The following SBK1 variants were observed in gnomAD, a reference collection of about 807,000 sequenced individuals.
The protein encoded by SBK1 is SH3 domain binding kinase 1.
A neutral mutation model predicts 24.4 loss-of-function variants in SBK1; 11 were observed. That is an observed-to-expected ratio of 0.45 (90% CI 0.28 to 0.75). The LOEUF (loss-of-function observed/expected upper bound fraction) is 0.75, where lower values mean the gene tolerates loss of function less well. Among genes scored for constraint, SBK1 ranks in the 30% least tolerant of loss-of-function variants. The pLI is 0.12. For missense variants in SBK1, 467 were observed against 620.5 expected (o/e 0.75, Z 2.63); for synonymous variants, 308 against 284.4 (o/e 1.08, Z -0.83).
At chr16:28,293,928 A>AC (rs1024049600) in intron 1 of SBK1, among the ~76,000 whole-genome samples, 1 of 151,992 alleles carries the variant, frequency 6.6e-6, no homozygotes. Context: ...GGGAGTAAGT[A>AC]CCCCCCAAAG....
At chr16:28,266,576 C>A (rs970383655) in intron 1 of SBK1, among the ~76,000 whole-genome samples, 5 of 151,992 alleles carry the variant, frequency 3.3e-5, no homozygotes, top group Non-Finnish European at 7.4e-5. Flanking sequence ...CTAGGAAGCT[C>A]TTCCTGGAAG....
At chr16:28,315,141 G>A (rs572623236) in intron 1 of SBK1, among the ~76,000 whole-genome samples, 6 of 151,868 alleles carry the variant, frequency 4.0e-5, no homozygotes, top group Non-Finnish European at 7.4e-5. Context: ...GTGTGCCTGC[G>A]CCTGGGAAAG....
At position 28,320,286 on chromosome 16, in the gene SBK1, T is replaced by C; in HGVS notation, c.640T>C (p.Tyr214His). The C allele has an allele frequency of 6.3e-7, 1 of 1,590,500 alleles. No individual in the cohort carries two copies. The highest frequency in any genetic ancestry group is 1.3e-5 in the African/African-American group (1 of 74,462). ...RVKRVSGTIP[Y>H]TAPEVCQAGR... ...CAAGCGCGTGAGCGGCACCATCCCT[T>C]ACACGGCGCCTGAGGTGTGCCAGGC... The change falls in exon 4 of 4, where the codon TAC becomes CAC. Residue 214 changes from tyrosine to histidine, a missense_variant. By Grantham distance (83) the Tyr-to-His change is moderately conservative. Coordinates refer to ENST00000341901, the MANE Select transcript of SBK1 (RefSeq NM_001024401.3). This position sits in a 1 kb window ranked among gnomAD's most constrained non-coding sequence, Gnocchi z 8.5.
Position 28,317,799 on chromosome 16 carries a change from T to C in SBK1, c.226+182T>C, listed in dbSNP as rs1424303368. Among the ~76,000 whole-genome samples the C allele has an allele frequency of 1.3e-5, 2 of 151,892 alleles. No individual in the cohort carries two copies. The highest frequency in any genetic ancestry group is 4.8e-5 in the African/African-American group (2 of 41,354). On this transcript the variant is annotated intron_variant, in intron 2 of 3. Coordinates refer to ENST00000341901, the MANE Select transcript of SBK1 (RefSeq NM_001024401.3). The surrounding 1 kb of genome is among the most constrained non-coding windows in gnomAD (Gnocchi z 4.2). ...TGAGGCAGCCCAGGGGGAAAGAGAC[T>C]GGGCAGATGGGGCAAGGGAGGAATC...
rs368666181 is a variant in SBK1 at position 28,301,541 on chromosome 16, G to A, written c.-8+8241G>A. ...GTGTCTGCAGCTTGATCTCAGGAAA[G>A]TCTGGACTCTTCCTCCCAGGCTCCT... On this transcript the variant is annotated intron_variant, in intron 1 of 3. Coordinates refer to ENST00000341901, the MANE Select transcript of SBK1 (RefSeq NM_001024401.3). Among the ~76,000 whole-genome samples, 81 of 152,336 alleles carry A rather than the reference G, an allele frequency of 5.3e-4. No individual in the cohort carries two copies. The South Asian group carries it at 0.017, about 31-fold the overall frequency.
In SBK1 at chr16:28,319,964, G is replaced by C. The variant is rs899375910; in HGVS notation, c.430-112G>C. On this transcript the variant is annotated intron_variant, in intron 3 of 3. Transcript: ENST00000341901. The surrounding 1 kb of genome is among the most constrained non-coding windows in gnomAD (Gnocchi z 4.0). ...GTCTGCGCGGTCGCCCCAGTTACTG[G>C]GGACAGGGTGGGAGGCGAAAACCGC... is the stretch of plus-strand genomic sequence containing the variant. 2 of 1,096,680 alleles carry C rather than the reference G, an allele frequency of 1.8e-6. No individual in the cohort carries two copies. Among genetic ancestry groups the C allele is most frequent in the South Asian group, 3.6e-5 (2 of 55,624 alleles). 67.9% of individuals were successfully genotyped at this position (1,096,680 alleles called of 1,614,324 possible).
chr16:28,279,282 C>T (rs2141566338), intron 1 of SBK1, among the ~76,000 whole-genome samples: 1 of 151,592 alleles, frequency 6.6e-6, no homozygotes, highest in South Asian at 2.1e-4. Context: ...GCCTGTGGTC[C>T]CAGCACTTTG....
intron 1 of SBK1, among the ~76,000 whole-genome samples, chr16:28,272,528 T>C (rs1189217125): frequency 6.6e-6 from 1 of 152,196 alleles, no homozygotes; most frequent in East Asian, 1.9e-4. Context: ...AATTATGAGA[T>C]ATGTGTCCTT....
intron 1 of SBK1, among the ~76,000 whole-genome samples, chr16:28,306,220 G>A (rs865866427): frequency 3.9e-5 from 6 of 152,158 alleles, no homozygotes; most frequent in African/African-American, 9.7e-5. Context: ...CAGCTGTGCC[G>A]CTGCTGTGGG....
At chr16:28,307,671 C>A (rs34256587) in intron 1 of SBK1, among the ~76,000 whole-genome samples, 1 of 145,598 alleles carries the variant, frequency 6.9e-6, no homozygotes, top group Non-Finnish European at 1.5e-5. Flanking sequence ...ACCCGGGAGA[C>A]AGAGGTTGCA....
intron 1 of SBK1, among the ~76,000 whole-genome samples, chr16:28,307,829 G>A (rs928072843): frequency 2.6e-5 from 4 of 151,940 alleles, no homozygotes; most frequent in African/African-American, 9.7e-5. Flanking sequence ...TAAAACCGTA[G>A]CAATATCTCT....
At chr16:28,260,084 T>TTGCG (rs1555535488) in intron 1 of SBK1, among the ~76,000 whole-genome samples, 1 of 149,822 alleles carries the variant, frequency 6.7e-6, no homozygotes, top group Non-Finnish European at 1.5e-5. Flanking sequence ...GTGTATTTGC[T>TTGCG]TGTGTGTGTG....
At chr16:28,276,495 G>A (rs548690816) in intron 1 of SBK1, among the ~76,000 whole-genome samples, 28 of 152,218 alleles carry the variant, frequency 1.8e-4, no homozygotes, top group East Asian at 9.7e-4. Flanking sequence ...GGCAGAGAGC[G>A]GATGCCTGGC....
chr16:28,318,642 C>G (rs1216134528), intron 2 of SBK1, among the ~76,000 whole-genome samples: 1 of 152,182 alleles, frequency 6.6e-6, no homozygotes, highest in Non-Finnish European at 1.5e-5. Context: ...ATTCATTCAT[C>G]CATTTAGCAA....
intron 1 of SBK1, among the ~76,000 whole-genome samples, chr16:28,313,365 C>T (rs1394560961): frequency 1.3e-5 from 2 of 150,976 alleles, no homozygotes; most frequent in Non-Finnish European, 3.0e-5. Context: ...AATCCCAGCA[C>T]TTTGGAGGAT....
chr16:28,309,504 G>A (rs1433374402), intron 1 of SBK1, among the ~76,000 whole-genome samples: 2 of 152,204 alleles, frequency 1.3e-5, no homozygotes, highest in Non-Finnish European at 2.9e-5. Flanking sequence ...TTGTGGCGAT[G>A]ACTGCACAGC....
intron 1 of SBK1, among the ~76,000 whole-genome samples, chr16:28,298,341 G>A (rs1174952931): frequency 6.6e-6 from 1 of 152,210 alleles, no homozygotes; most frequent in Non-Finnish European, 1.5e-5. Context: ...GCTCAGTGCT[G>A]GACAGCGTTT....
rs1250608558 is a variant in SBK1, at chr16:28,264,558, C to T, written c.257+5056C>T. On this transcript the variant is annotated intron_variant, in intron 1 of 3. Coordinates refer to the SBK1 transcript ENST00000671413. ...CTGCACTCCAGCCTGGGCAATAGAG[C>T]GAGACTCCGTCTCAAAAAAAAAAAA... Among the ~76,000 whole-genome samples the T allele has an allele frequency of 2.0e-5, 3 of 147,824 alleles. No individual in the cohort carries two copies. The Admixed American group carries it at 2.1e-4, about 10-fold the overall frequency.
intron 1 of SBK1, among the ~76,000 whole-genome samples, chr16:28,272,267 G>A (rs549376071): frequency 2.0e-5 from 3 of 152,008 alleles, no homozygotes; most frequent in South Asian, 2.1e-4. Context: ...ACAGAGTTTC[G>A]CTATGTTGTC....
Sources: allele counts gnomAD v4.1 joint callset (sites outside exome capture counted in the v4.1 genomes callset), GRCh38; gene constraint gnomAD v4.1.1; non-coding constraint Gnocchi (gnomAD v3.1); transcripts MANE v1.5; gene names NCBI Gene and HGNC (gene_info 2026-07-23, HGNC 2026-07-21).